Variants in C18orf63 observed in about 807,000 individuals in gnomAD.
C18orf63 encodes uncharacterized protein C18orf63.
In C18orf63, 50 loss-of-function variants were observed where a neutral mutation model predicts 75.3. That is an observed-to-expected ratio of 0.66 (90% CI 0.53 to 0.84). The LOEUF (loss-of-function observed/expected upper bound fraction) is 0.84. Ranked by LOEUF, C18orf63 falls within the 40% of genes least tolerant of loss-of-function variation. The pLI is 0.00. For synonymous variants in C18orf63, 232 were observed against 267.6 expected (o/e 0.87, Z 1.30); for missense variants, 732 against 800.2 (o/e 0.91, Z 1.03).
intron 11 of C18orf63, among the ~76,000 whole-genome samples, chr18:74,344,069 A>G (rs1032597475): frequency 6.6e-5 from 10 of 152,086 alleles, no homozygotes; most frequent in Non-Finnish European, 1.2e-4. Context: ...GCCCCTCACC[A>G]AATCAAGTAA....
chr18:74,355,505 G>GA (rs1256633527), intron 13 of C18orf63, among the ~76,000 whole-genome samples: 4 of 148,318 alleles, frequency 2.7e-5, no homozygotes, highest in Admixed American at 6.9e-5. Context: ...AGTCATCCAG[G>GA]AGGGGGGGCT....
intron 7 of C18orf63, among the ~76,000 whole-genome samples, chr18:74,335,687 T>C (rs1199138254): frequency 6.6e-6 from 1 of 152,112 alleles, no homozygotes; most frequent in Non-Finnish European, 1.5e-5. Flanking sequence ...TCGAAACAAA[T>C]TTCTATTTAT....
At chr18:74,346,058 A>G (rs1419115316) in intron 11 of C18orf63, among the ~76,000 whole-genome samples, 1 of 152,008 alleles carries the variant, frequency 6.6e-6, no homozygotes, top group African/African-American at 2.4e-5. Context: ...ATTTCTCCAC[A>G]TATTAAATAT....
chr18:74,324,148 C>T (rs750035663), intron 4 of C18orf63, among the ~76,000 whole-genome samples: 14 of 152,168 alleles, frequency 9.2e-5, no homozygotes, highest in Non-Finnish European at 1.0e-4. Flanking sequence ...CAGTAAATGA[C>T]GCGGTACAAA....
At chr18:74,352,530 C>T (rs879290854) in intron 11 of C18orf63, among the ~76,000 whole-genome samples, 1 of 152,082 alleles carries the variant, frequency 6.6e-6, no homozygotes, top group Non-Finnish European at 1.5e-5. Flanking sequence ...CTACCACGTA[C>T]CAGGCACTGT....
chr18:74,318,424 T>C (rs770165732), intron 2 of C18orf63, among the ~76,000 whole-genome samples: 4 of 152,144 alleles, frequency 2.6e-5, no homozygotes, highest in Admixed American at 6.5e-5. Context: ...AATTCTCAAG[T>C]CAGTATGAGA....
chr18:74,343,691 C>A lies in C18orf63; in HGVS notation c.967C>A (p.Pro323Thr). 2.6e-6 allele frequency: 4 copies of A among 1,516,648 alleles called. No individual in the cohort carries two copies. The highest frequency in any genetic ancestry group is 3.5e-6 in the Non-Finnish European group (4 of 1,136,664). The allele number at this position is 1,516,648 out of a possible 1,614,324, so 93.9% of individuals were successfully genotyped here. A position where few individuals can be genotyped will look rare whatever the true frequency, so the allele number is the denominator to read the frequency against. Residue 323 changes from proline to threonine, a missense_variant, in exon 11 of 14, where the codon CCT (proline) becomes ACT (threonine). By Grantham distance (38) the Pro-to-Thr change is conservative. Around this residue, in one of 3 missense-constraint regions of C18orf63, gnomAD observed 495 missense variants for 508.7 expected, o/e 0.97. Transcript: ENST00000579455. ...CTACTACACACAAGAACTAACTAAA[C>A]CTAATATACAGGTAAGAGATCTCTT... ...PCYYTQELTK[P>T]NIQEHKVKPP...
chr18:74,317,962 G>T lies in C18orf63; in HGVS notation c.97G>T (p.Asp33Tyr). 1 of 1,532,606 alleles carries T rather than the reference G, an allele frequency of 6.5e-7. No individual in the cohort carries two copies. The allele number at this position is 1,532,606 out of a possible 1,614,324, so 94.9% of individuals were successfully genotyped here. The change falls in exon 2 of 14, where the codon GAT becomes TAT. Residue 33 changes from aspartate to tyrosine, a missense_variant. Physicochemically the swap from Asp to Tyr is radical, Grantham distance 160 (BLOSUM62 -3). Around this residue, in one of 3 missense-constraint regions of C18orf63, gnomAD observed 233 missense variants for 272.7 expected, o/e 0.85. Transcript: ENST00000579455. ...AATAATACTGAGTAATAAGGTGGCAGATACTGAGATTAGGACTATACAAAT... is the reference window on the plus strand; with the variant it reads ...AATAATACTGAGTAATAAGGTGGCATATACTGAGATTAGGACTATACAAAT... ...VRIILSNKVA[D>Y]TEIRTIQMKM...
intron 8 of C18orf63, among the ~76,000 whole-genome samples, chr18:74,339,371 C>A (rs1292240643): frequency 6.6e-6 from 1 of 152,090 alleles, no homozygotes; most frequent in Non-Finnish European, 1.5e-5. Context: ...TAAAGTCTAA[C>A]AATTACCAGC....
chr18:74,351,527 A>G (rs532924011), intron 11 of C18orf63, among the ~76,000 whole-genome samples: 1 of 152,342 alleles, frequency 6.6e-6, no homozygotes, highest in South Asian at 2.1e-4. Context: ...GCCAACAGCC[A>G]GCATCACGCA....
At chr18:74,341,744 A>T (rs1189149029) in intron 8 of C18orf63, among the ~76,000 whole-genome samples, 2 of 152,136 alleles carry the variant, frequency 1.3e-5, no homozygotes, top group African/African-American at 4.8e-5. Flanking sequence ...AAAAAAAAAA[A>T]GTATGTGAGT....
chr18:74,338,131 G>A (rs1462004136), intron 7 of C18orf63, among the ~76,000 whole-genome samples: 1 of 152,026 alleles, frequency 6.6e-6, no homozygotes, highest in African/African-American at 2.4e-5. Context: ...TGCCTCTCAG[G>A]GAGATTTTCC....
chr18:74,335,321 C>T (rs1381797947), intron 7 of C18orf63, among the ~76,000 whole-genome samples: 3 of 151,950 alleles, frequency 2.0e-5, no homozygotes, highest in Non-Finnish European at 4.4e-5. Flanking sequence ...TGACCTTTGA[C>T]CCTATTTAGA....
At chr18:74,332,122 G>A (rs1984318375) in intron 7 of C18orf63, among the ~76,000 whole-genome samples, 1 of 152,112 alleles carries the variant, frequency 6.6e-6, no homozygotes, top group African/African-American at 2.4e-5. Flanking sequence ...TAGAATACCT[G>A]AAATTGGGTA....
chr18:74,318,846 A>T (rs1205619112), intron 2 of C18orf63, among the ~76,000 whole-genome samples: 1 of 152,166 alleles, frequency 6.6e-6, no homozygotes, highest in African/African-American at 2.4e-5. Flanking sequence ...GTATAATTCC[A>T]TGATTACTGA....
chr18:74,317,083 A>G (rs1599283344), intron 1 of C18orf63, among the ~76,000 whole-genome samples: 1 of 152,222 alleles, frequency 6.6e-6, no homozygotes, highest in East Asian at 1.9e-4. Context: ...CACACTGCAC[A>G]TTCCCGGGCC....
At chr18:74,340,106 T>C (rs1374968031) in intron 8 of C18orf63, among the ~76,000 whole-genome samples, 3 of 152,154 alleles carry the variant, frequency 2.0e-5, no homozygotes, top group Admixed American at 2.0e-4. Flanking sequence ...AAACCATACA[T>C]CTGATAAAGA....
rs113780187 is a variant in C18orf63 at position 74,333,638 on chromosome 18, G to A, written c.501+2696G>A. 8.7e-3 allele frequency among the ~76,000 whole-genome samples: 1,330 copies of A among 152,258 alleles called. 23 individuals are homozygous for A. Among genetic ancestry groups the A allele is most frequent in the African/African-American group, 0.03 (1,244 of 41,550 alleles). ...ACTGCATGAGGGTAACTGCCCCCATGAGTAAATTACCTCCCACTGGGTCCC... is the reference window on the plus strand; with the variant it reads ...ACTGCATGAGGGTAACTGCCCCCATAAGTAAATTACCTCCCACTGGGTCCC... On this transcript the variant is annotated intron_variant, in intron 7 of 13. Transcript: ENST00000579455.
chr18:74,343,784 A>T, intron 11 of C18orf63, 82 bp downstream of exon 11: 3 of 824,202 alleles, frequency 3.6e-6, no homozygotes, highest in Non-Finnish European at 5.3e-6. Flanking sequence ...TCTGGGGTGG[A>T]ACACCCAACG....
Sources: allele counts gnomAD v4.1 joint callset (sites outside exome capture counted in the v4.1 genomes callset), GRCh38; gene constraint gnomAD v4.1.1; regional missense constraint gnomAD v4.1.1; transcripts MANE v1.5; gene names NCBI Gene and HGNC (gene_info 2026-07-23, HGNC 2026-07-21).